The following ESR1 variants were observed in gnomAD, a reference collection of about 807,000 sequenced individuals.
ESR1 encodes the protein estrogen receptor 1.
Under a neutral mutation model 52.7 loss-of-function variants are expected in ESR1, and 12 were observed. The observed-to-expected ratio is 0.23, with a 90% CI of 0.15 to 0.37. ESR1 has a LOEUF of 0.37. Among genes scored for constraint, ESR1 ranks in the 10% least tolerant of loss-of-function variants. ESR1 has a pLI of 1.00. For synonymous variants in ESR1, 305 were observed against 316.8 expected (o/e 0.96, Z 0.39); for missense variants, 584 against 779.7 (o/e 0.75, Z 2.99).
At chr6:151,835,007 T>A (rs1046656997) in intron 1 of ESR1, among the ~76,000 whole-genome samples, 16 of 151,984 alleles carry the variant, frequency 1.1e-4, no homozygotes, top group African/African-American at 3.9e-4. Flanking sequence ...TCTACTATAA[T>A]AGGGAGAGTT....
Position 151,930,894 on chromosome 6 carries a change from A to G in ESR1, c.761-13279A>G, listed in dbSNP as rs530096269. On this transcript the variant is annotated intron_variant, in intron 3 of 7. Coordinates refer to ENST00000206249, the MANE Select transcript of ESR1 (RefSeq NM_000125.4). The stretch of plus-strand genomic sequence containing the variant: ...CGGTTTCTGAAGAGAAATCTGCTGT[A>G]TTTCATCCTGTTCTCTATGGTTAGG... Among the ~76,000 whole-genome samples the G allele has an allele frequency of 2.4e-4, 37 of 152,072 alleles. No homozygotes were observed. In the South Asian group the frequency reaches 7.7e-3, roughly 32 times the overall value.
intron 3 of ESR1, among the ~76,000 whole-genome samples, chr6:151,891,469 G>T (rs1794688799): frequency 6.6e-6 from 1 of 152,166 alleles, no homozygotes; most frequent in Non-Finnish European, 1.5e-5. Flanking sequence ...TAAGTCCCCA[G>T]GAATTTCCAT....
At chr6:151,724,746 G>A (rs1457099308) in intron 2 of ESR1, among the ~76,000 whole-genome samples, 1 of 152,152 alleles carries the variant, frequency 6.6e-6, no homozygotes, top group African/African-American at 2.4e-5. Flanking sequence ...TGTGAGGTGG[G>A]GGAAATTCGC....
At chr6:151,775,439 C>T (rs1355596505) in intron 2 of ESR1, among the ~76,000 whole-genome samples, 1 of 152,036 alleles carries the variant, frequency 6.6e-6, no homozygotes, top group East Asian at 1.9e-4. Context: ...GGATACTCAA[C>T]CTGTACTAGC....
At chr6:151,836,411 A>G (rs564527695) in intron 1 of ESR1, among the ~76,000 whole-genome samples, 3 of 152,286 alleles carry the variant, frequency 2.0e-5, no homozygotes, top group African/African-American at 7.2e-5. Flanking sequence ...TGCCATTTAT[A>G]AAACCATCAG....
chr6:151,960,257 C>A (rs1161335494), intron 4 of ESR1, among the ~76,000 whole-genome samples: 1 of 152,166 alleles, frequency 6.6e-6, no homozygotes, highest in African/African-American at 2.4e-5. Flanking sequence ...CCCTGCCTCC[C>A]CGGTGCTTAA....
At chr6:151,970,266 T>C (rs1042225489) in intron 4 of ESR1, among the ~76,000 whole-genome samples, 1 of 152,124 alleles carries the variant, frequency 6.6e-6, no homozygotes, top group Non-Finnish European at 1.5e-5. Flanking sequence ...AAGGCTTGCT[T>C]TCTGTCACAG....
intron 3 of ESR1, among the ~76,000 whole-genome samples, chr6:151,907,476 A>T (rs988460279): frequency 6.6e-6 from 1 of 152,078 alleles, no homozygotes; most frequent in Admixed American, 6.6e-5. Flanking sequence ...TCTTTTTAAA[A>T]ATTATATTAT....
At chr6:152,036,596 G>C (rs940733078) in intron 5 of ESR1, among the ~76,000 whole-genome samples, 1 of 152,112 alleles carries the variant, frequency 6.6e-6, no homozygotes, top group Non-Finnish European at 1.5e-5. Context: ...TCACTTTCAA[G>C]TTTTCTGAAA....
chr6:151,806,557 T>TATGTATATATATATAC (rs1554259008), upstream of ESR1, among the ~76,000 whole-genome samples: 4 of 133,788 alleles, frequency 3.0e-5, no homozygotes, highest in Admixed American at 7.3e-5. Context: ...TATATATATA[T>TATGTATATATATATAC]ACACATATAT....
intron 4 of ESR1, among the ~76,000 whole-genome samples, chr6:151,971,099 T>C (rs1218925889): frequency 6.6e-6 from 1 of 152,226 alleles, no homozygotes; most frequent in African/African-American, 2.4e-5. Context: ...AATAGATGCC[T>C]CTTGGCTGCA....
chr6:152,062,260 A>G (rs911783047), intron 6 of ESR1, among the ~76,000 whole-genome samples: 6 of 151,930 alleles, frequency 3.9e-5, no homozygotes, highest in Non-Finnish European at 7.4e-5. Context: ...TGCTTAATGG[A>G]ATCAGCCCTT....
intron 4 of ESR1, among the ~76,000 whole-genome samples, chr6:151,988,242 C>T (rs1414216079): frequency 6.6e-6 from 1 of 152,050 alleles, no homozygotes; most frequent in Non-Finnish European, 1.5e-5. Context: ...CTAGACGGTC[C>T]CATCTGGGGG....
At chr6:152,113,348 G>A (rs1212503480) in intron 6 of ESR1, among the ~76,000 whole-genome samples, 3 of 152,192 alleles carry the variant, frequency 2.0e-5, no homozygotes, top group Admixed American at 6.5e-5. Flanking sequence ...AAAGGAGTAA[G>A]AGTCCCTGAC....
Position 151,709,605 on chromosome 6 carries a change from C to T in ESR1, c.-71+7600C>T, listed in dbSNP as rs191649684. Among the ~76,000 whole-genome samples the T allele has an allele frequency of 5.3e-5, 8 of 152,248 alleles. No individual in the cohort carries two copies. The South Asian group carries it at 6.2e-4, about 12-fold the overall frequency. On this transcript the variant is annotated intron_variant, in intron 2 of 2. Transcript: ENST00000404742. ...CAGTGTGCAAGGGTTCTCTTTACTC[C>T]GCATCCTTGCCAACACTTTTAATCT...
rs1778103210 is a variant in ESR1, at chr6:151,807,688, C to A, written c.-225C>A. On this transcript the variant is annotated 5_prime_UTR_variant, in exon 1 of 8. Transcript: ENST00000206249. ...GGAGGCCCGGGAGCCCAGGAGCTGG[C>A]GGAGGGCGTTCGTCCTGGGACTGCA... 2 of 609,302 alleles carry A rather than the reference C, an allele frequency of 3.3e-6. No individual in the cohort carries two copies. The highest frequency in any genetic ancestry group is 1.8e-5 in the African/African-American group (1 of 54,174). 37.7% of individuals were successfully genotyped at this position (609,302 alleles called of 1,614,324 possible). A position where few individuals can be genotyped will look rare whatever the true frequency, so the allele number is the denominator to read the frequency against.
chr6:151,812,482 C>A (rs9371227), intron 1 of ESR1, among the ~76,000 whole-genome samples: 5,382 of 152,138 alleles, frequency 0.035, 344 homozygotes, highest in East Asian at 0.27. Flanking sequence ...ATTTATTTTA[C>A]AGATACATTA....
chr6:151,796,893 C>T (rs75984833), intron 2 of ESR1, among the ~76,000 whole-genome samples: 25 of 152,286 alleles, frequency 1.6e-4, no homozygotes, highest in African/African-American at 5.5e-4. Context: ...AACCTAGCTC[C>T]GAAAGAGGCC....
rs571945593 is a variant in ESR1, at chr6:151,902,807, T to C, written c.760+22036T>C. 5.3e-5 allele frequency among the ~76,000 whole-genome samples: 8 copies of C among 152,350 alleles called. No homozygotes were observed. The South Asian group carries it at 1.4e-3, about 28-fold the overall frequency. ...AATGGGTAATGAAAAGTACGTTCAA[T>C]TTTTCCCACAAGGATTTAATCTAAT... On this transcript the variant is annotated intron_variant, in intron 3 of 7. Coordinates refer to ENST00000206249, the MANE Select transcript of ESR1 (RefSeq NM_000125.4).
Sources: gnomAD v4.1 joint callset for allele counts (sites outside exome capture counted in the v4.1 genomes callset) on GRCh38, gnomAD v4.1.1 for gene constraint, MANE v1.5 for transcripts, NCBI Gene and HGNC (gene_info 2026-07-23, HGNC 2026-07-21) for gene names.